The following LRIG3 variants were observed in gnomAD, a reference collection of about 807,000 sequenced individuals.
LRIG3 encodes leucine rich repeats and immunoglobulin like domains 3.
LRIG3 carries 76 observed loss-of-function variants against 114.5 expected under a neutral mutation model. The observed-to-expected ratio is 0.66, with a 90% CI of 0.55 to 0.80. The LOEUF is 0.80. LRIG3 is among the 30% of genes least tolerant of loss of function. The probability of loss-of-function intolerance (pLI) is 0.00; values close to 1 mark genes in which losing one functional copy is unlikely to be tolerated. For missense variants in LRIG3, 1,239 were observed against 1,382.8 expected (o/e 0.90, Z 1.65); for synonymous variants, 512 against 519.8 (o/e 0.98, Z 0.20).
chr12:58,897,170 T>A (rs1592304229), intron 3 of LRIG3, among the ~76,000 whole-genome samples: 1 of 152,200 alleles, frequency 6.6e-6, no homozygotes, highest in African/African-American at 2.4e-5. Context: ...TTTAGACTGG[T>A]CCATTGGTAC....
In LRIG3 at chr12:58,907,228, T is replaced by C. The variant is rs569012601; in HGVS notation, c.383+6754A>G. Among the ~76,000 whole-genome samples the C allele has an allele frequency of 1.2e-4, 18 of 152,346 alleles. No homozygotes were observed. In the South Asian group the frequency reaches 1.9e-3, roughly 16 times the overall value. ...GAAAGTGGAGGCCAAATCCTATTTT[T>C]CCTTGTTCCCTAGCACTTAGCACAC... On this transcript the variant is annotated intron_variant, in intron 3 of 18. Coordinates refer to ENST00000320743, the MANE Select transcript of LRIG3 (RefSeq NM_153377.5).
rs80236357 is a variant in LRIG3 at position 58,882,731 on chromosome 12, T to C, written c.1480+138A>G. On this transcript the variant is annotated intron_variant, in intron 12 of 18. Transcript: ENST00000320743. ...TGAAATTAAAATAATCAGCAAACTA[T>C]AGACCCATTTTCCTCTACCTCAGCA... 3.1e-3 allele frequency: 2,618 copies of C among 858,266 alleles called. 43 individuals are homozygous for C. The African/African-American group carries it at 0.039, about 13-fold the overall frequency. The allele number at this position is 858,266 out of a possible 1,614,324, so 53.2% of individuals were successfully genotyped here.
intron 3 of LRIG3, among the ~76,000 whole-genome samples, chr12:58,900,865 T>C (rs1036156312): frequency 6.6e-6 from 1 of 152,228 alleles, no homozygotes; most frequent in Non-Finnish European, 1.5e-5. Context: ...ATAGAAAATG[T>C]GGTGACAATT....
intron 12 of LRIG3, among the ~76,000 whole-genome samples, 164 bp from the exon 13 acceptor site, chr12:58,881,065 G>A (rs1034355489): frequency 6.6e-6 from 1 of 152,096 alleles, no homozygotes; most frequent in African/African-American, 2.4e-5. Flanking sequence ...TGATACACTG[G>A]GAGAGTATTT....
chr12:58,877,231 G>C (rs964683645), intron 15 of LRIG3, among the ~76,000 whole-genome samples, 169 bp downstream of exon 15: 10 of 152,210 alleles, frequency 6.6e-5, no homozygotes, highest in Admixed American at 1.3e-4. Flanking sequence ...TTAAACATCA[G>C]CTTTATTTGG....
chr12:58,899,725 G>A (rs1220455263), intron 3 of LRIG3, among the ~76,000 whole-genome samples: 1 of 151,972 alleles, frequency 6.6e-6, no homozygotes, highest in African/African-American at 2.4e-5. Context: ...ATGATCACTG[G>A]CTACTCATTC....
intron 1 of LRIG3, among the ~76,000 whole-genome samples, chr12:58,917,691 A>G (rs1362290314): frequency 6.6e-6 from 1 of 152,240 alleles, no homozygotes; most frequent in East Asian, 1.9e-4. Context: ...CAAATTCAAC[A>G]AATGAAACAA....
At chr12:58,908,817 T>C (rs994978517) in intron 3 of LRIG3, among the ~76,000 whole-genome samples, 2 of 152,246 alleles carry the variant, frequency 1.3e-5, no homozygotes, top group Non-Finnish European at 2.9e-5. Context: ...ATAGATAATG[T>C]AATTCATACA....
chr12:58,883,580 T>C lies in LRIG3; in HGVS notation c.1256A>G (p.Asp419Gly). 6.5e-7 allele frequency: 1 copy of C among 1,544,928 alleles called. No homozygotes were observed. The highest frequency in any genetic ancestry group is 1.3e-5 in the African/African-American group (1 of 74,268). Reference sequence around the variant, plus strand: ...GCCTTGTAAAGACATGATTGCGTTGTCACTCAGGTCTCTGAAAAATCACCA... The same window carrying C: ...GCCTTGTAAAGACATGATTGCGTTGCCACTCAGGTCTCTGAAAAATCACCA... The part of the protein sequence containing the change: ...LDALEHLDLS[D>G]NAIMSLQGNA... The change falls in exon 11 of 19, where the codon GAC (aspartate) becomes GGC (glycine). Residue 419 changes from aspartate to glycine, a missense_variant. Physicochemically the swap from Asp to Gly is moderately conservative, Grantham distance 94 (BLOSUM62 -1). Transcript: ENST00000320743.
At chr12:58,895,882 G>A (rs1019490097) in intron 3 of LRIG3, among the ~76,000 whole-genome samples, 7 of 152,150 alleles carry the variant, frequency 4.6e-5, no homozygotes, top group African/African-American at 1.7e-4. Context: ...GGCACACACT[G>A]TGCTTTTCTC....
intron 12 of LRIG3, among the ~76,000 whole-genome samples, chr12:58,881,477 G>C (rs1408017767): frequency 6.7e-6 from 1 of 148,658 alleles, no homozygotes; most frequent in Non-Finnish European, 1.5e-5. Context: ...AAAACAAACT[G>C]TAAGACACTG....
At chr12:58,889,873 C>T (rs1871394782) in intron 5 of LRIG3, 123 bp downstream of exon 5, 1 of 1,252,598 alleles carries the variant, frequency 8.0e-7, no homozygotes, top group Non-Finnish European at 1.1e-6. Flanking sequence ...CTCCAACTCT[C>T]AAAGGAAAGG....
chr12:58,884,172 C>T (rs1871201285), intron 10 of LRIG3, among the ~76,000 whole-genome samples: 1 of 152,210 alleles, frequency 6.6e-6, no homozygotes, highest in Non-Finnish European at 1.5e-5. Flanking sequence ...TCACCCACAG[C>T]TCACTAACAT....
intron 13 of LRIG3, 158 bp downstream of exon 13, chr12:58,880,423 C>A (rs1362440088): frequency 3.7e-6 from 3 of 801,654 alleles, no homozygotes; most frequent in Non-Finnish European, 6.3e-6. Context: ...TACAAATAAC[C>A]AAGAATCTTA....
intron 5 of LRIG3, among the ~76,000 whole-genome samples, chr12:58,889,181 T>C (rs1398149195): frequency 1.3e-5 from 2 of 152,208 alleles, no homozygotes; most frequent in Admixed American, 1.3e-4. Context: ...AATAAAATAC[T>C]GAAACTAGAC....
intron 3 of LRIG3, among the ~76,000 whole-genome samples, chr12:58,893,222 C>A (rs1871515379): frequency 6.6e-6 from 1 of 152,172 alleles, no homozygotes; most frequent in Admixed American, 6.5e-5. Context: ...ATTTAAAGAA[C>A]AAATTAAGAA....
rs1870984832 is a variant in LRIG3, at chr12:58,877,914, G to C, written c.2084-62C>G. 2.7e-6 allele frequency: 4 copies of C among 1,466,218 alleles called. No individual in the cohort carries two copies. In the South Asian group the frequency reaches 5.3e-5, roughly 19 times the overall value. The allele number at this position is 1,466,218 out of a possible 1,614,324, so 90.8% of individuals were successfully genotyped here. ...AAATTTAGTTTCCATATCATAAAAT[G>C]TAGCATTTAAACTTATTCAAATTGT... On this transcript the variant is annotated intron_variant, in intron 14 of 18. Transcript: ENST00000320743.
At chr12:58,880,278 T>A in intron 13 of LRIG3, 2 of 416,142 alleles carry the variant, frequency 4.8e-6, no homozygotes, top group Non-Finnish European at 8.8e-6. Flanking sequence ...CAGCCTTGGG[T>A]GACAGTGCAA....
chr12:58,876,391 T>G (rs892902926), intron 16 of LRIG3, 54 bp downstream of exon 16: 12 of 1,575,500 alleles, frequency 7.6e-6, no homozygotes, highest in African/African-American at 1.3e-5. Context: ...TATCTGAGCC[T>G]TCCACCATAT....
Sources: allele counts gnomAD v4.1 joint callset (sites outside exome capture counted in the v4.1 genomes callset), GRCh38; gene constraint gnomAD v4.1.1; transcripts MANE v1.5; gene names NCBI Gene and HGNC (gene_info 2026-07-23, HGNC 2026-07-21).